The following SHISA7 variants were observed in gnomAD, a reference collection of about 807,000 sequenced individuals.
SHISA7 encodes protein shisa-7.
A neutral mutation model predicts 23.9 loss-of-function variants in SHISA7; 6 were observed. The ratio of observed to expected loss-of-function variants is 0.25; its 90% CI spans 0.14 to 0.50. SHISA7 has a LOEUF of 0.50. Among genes scored for constraint, SHISA7 ranks in the 20% least tolerant of loss-of-function variants. SHISA7 has a pLI of 0.98. For missense variants in SHISA7, 671 were observed against 801.1 expected (o/e 0.84, Z 1.96); for synonymous variants, 386 against 398.3 (o/e 0.97, Z 0.37).
At chr19:55,439,360 G>A (rs1004491132) in intron 2 of SHISA7, among the ~76,000 whole-genome samples, 3 of 152,086 alleles carry the variant, frequency 2.0e-5, no homozygotes, top group African/African-American at 4.8e-5. Context: ...TCCCAGCTCC[G>A]TCCTTGTCCT....
chr19:55,434,551 TATG>T (rs1239111040), intron 3 of SHISA7, among the ~76,000 whole-genome samples: 73 of 125,438 alleles, frequency 5.8e-4, no homozygotes, highest in African/African-American at 2.1e-3. Flanking sequence ...GTTGTGTGTG[TATG>T]GTGTGTGTGG....
Position 55,433,900 on chromosome 19 carries a change from AC to A in SHISA7, c.977-105del. The A allele has an allele frequency of 8.0e-7, 1 of 1,251,788 alleles. No individual in the cohort carries two copies. Among genetic ancestry groups the A allele is most frequent in the Non-Finnish European group, 1.0e-6 (1 of 977,028 alleles). 77.5% of individuals were successfully genotyped at this position (1,251,788 alleles called of 1,614,324 possible). A position where few individuals can be genotyped will look rare whatever the true frequency, so the allele number is the denominator to read the frequency against. The stretch of plus-strand genomic sequence containing the variant: ...CCGCTCCTATGCTCCTTGTGCCCCC[AC>A]AAGGATCCTGGGCATCAGGCTAGCT... On this transcript the variant is annotated intron_variant, in intron 3 of 3. Coordinates refer to ENST00000376325, the MANE Select transcript of SHISA7 (RefSeq NM_001145176.2). This position sits in a 1 kb window ranked among gnomAD's most constrained non-coding sequence, Gnocchi z 8.4.
intron 3 of SHISA7, among the ~76,000 whole-genome samples, chr19:55,434,659 GGTGTGTGTGTA>G (rs1985344284): frequency 8.1e-6 from 1 of 123,962 alleles, no homozygotes; most frequent in Non-Finnish European, 1.7e-5. Flanking sequence ...TGGTGTGTGT[GGTGTGTGTGTA>G]TGGTGTGTGG....
intron 2 of SHISA7, chr19:55,438,629 G>A (rs1985524731): frequency 2.3e-6 from 3 of 1,304,122 alleles, no homozygotes; most frequent in Non-Finnish European, 2.0e-6. Context: ...CAGATTATCT[G>A]GGGGGACCGA....
intron 1 of SHISA7, among the ~76,000 whole-genome samples, chr19:55,441,484 C>G (rs1383459569): frequency 6.6e-6 from 1 of 152,232 alleles, no homozygotes; most frequent in Non-Finnish European, 1.5e-5. Flanking sequence ...TGCAGGCCAC[C>G]GAGGGCCTTT....
intron 1 of SHISA7, 75 bp downstream of exon 1, chr19:55,442,118 C>A: frequency 7.2e-7 from 1 of 1,389,906 alleles, no homozygotes; most frequent in Non-Finnish European, 9.5e-7. Flanking sequence ...GCAGCCCCTC[C>A]TCCTCGGATG....
rs1001327624 is a variant in SHISA7 at position 55,442,885 on chromosome 19, T to C, written c.-22A>G. 15 of 1,283,804 alleles carry C rather than the reference T, an allele frequency of 1.2e-5. No individual in the cohort carries two copies. The African/African-American group carries it at 2.1e-4, about 18-fold the overall frequency. The allele number at this position is 1,283,804 out of a possible 1,614,324, so 79.5% of individuals were successfully genotyped here. A position where few individuals can be genotyped will look rare whatever the true frequency, so the allele number is the denominator to read the frequency against. ...GCATGGGGCTTGCAGGGGGTCGCAC[T>C]GGGCCGCCAGGCTGCGGGGAGAACG... On this transcript the variant is annotated 5_prime_UTR_variant, in exon 1 of 4. Coordinates refer to ENST00000376325, the MANE Select transcript of SHISA7 (RefSeq NM_001145176.2).
chr19:55,437,870 C>A, intron 2 of SHISA7, 116 bp from the exon 3 acceptor site: 1 of 1,311,372 alleles, frequency 7.6e-7, no homozygotes, highest in Non-Finnish European at 1.0e-6. Flanking sequence ...GCCCCTCTTC[C>A]TTCAGACCCA....
chr19:55,441,032 C>T (rs1032244912), intron 1 of SHISA7, among the ~76,000 whole-genome samples: 1 of 152,132 alleles, frequency 6.6e-6, no homozygotes, highest in African/African-American at 2.4e-5. Flanking sequence ...TGTGGGCTCG[C>T]CCCACCCTGA....
chr19:55,433,804 G>A lies in SHISA7; in HGVS notation c.977-8C>T, dbSNP rs986425379. 1.9e-5 allele frequency: 27 copies of A among 1,390,988 alleles called. No individual in the cohort carries two copies. In the Admixed American group the frequency reaches 2.2e-4, roughly 12 times the overall value. 86.2% of individuals were successfully genotyped at this position (1,390,988 alleles called of 1,614,324 possible). A position where few individuals can be genotyped will look rare whatever the true frequency, so the allele number is the denominator to read the frequency against. On this transcript the variant is annotated splice_polypyrimidine_tract_variant and splice_region_variant and intron_variant, in intron 3 of 3. Coordinates refer to ENST00000376325, the MANE Select transcript of SHISA7 (RefSeq NM_001145176.2). The surrounding 1 kb of genome is among the most constrained non-coding windows in gnomAD (Gnocchi z 8.4). Reference sequence around the variant, plus strand: ...CGTCCAGATCCTTCTCGGCTGCGGGGAGAGGGGGAAAAGCCACAGCCGTGG... The same window carrying A: ...CGTCCAGATCCTTCTCGGCTGCGGGAAGAGGGGGAAAAGCCACAGCCGTGG...
rs1311440510 is a variant in SHISA7, at chr19:55,431,195, T to C, written c.*1961A>G. 6.6e-6 allele frequency: 1 copy of C among 152,174 alleles called. No homozygotes were observed. Among genetic ancestry groups the C allele is most frequent in the Non-Finnish European group, 1.5e-5 (1 of 68,046 alleles). 9.4% of individuals were successfully genotyped at this position (152,174 alleles called of 1,614,324 possible). A position where few individuals can be genotyped will look rare whatever the true frequency, so the allele number is the denominator to read the frequency against. ...CATGGTTGAAGTGGATCCCTGGAGATGATGACACCATGCATCCCTGCAAAT... is the reference window on the plus strand; with the variant it reads ...CATGGTTGAAGTGGATCCCTGGAGACGATGACACCATGCATCCCTGCAAAT... On this transcript the variant is annotated 3_prime_UTR_variant, in exon 4 of 4. Transcript: ENST00000376325.
At position 55,442,179 on chromosome 19, in the gene SHISA7, G is replaced by C; in HGVS notation, c.671+14C>G. 2 of 1,529,018 alleles carry C rather than the reference G, an allele frequency of 1.3e-6. No homozygotes were observed. The highest frequency in any genetic ancestry group is 1.7e-4 in the Middle Eastern group (1 of 5,926). 94.7% of individuals were successfully genotyped at this position (1,529,018 alleles called of 1,614,324 possible). A position where few individuals can be genotyped will look rare whatever the true frequency, so the allele number is the denominator to read the frequency against. Reference sequence around the variant, plus strand: ...CCCCAGGCTCGCAGTCCTCCCGCCCGAGAGCACACGCACCTGGGCACGTTG... The same window carrying C: ...CCCCAGGCTCGCAGTCCTCCCGCCCCAGAGCACACGCACCTGGGCACGTTG... On this transcript the variant is annotated intron_variant, in intron 1 of 3. Coordinates refer to ENST00000376325, the MANE Select transcript of SHISA7 (RefSeq NM_001145176.2).
intron 3 of SHISA7, among the ~76,000 whole-genome samples, chr19:55,437,180 G>A (rs933021746): frequency 5.3e-5 from 8 of 152,132 alleles, no homozygotes; most frequent in African/African-American, 1.9e-4. Context: ...CTGCAGGGTG[G>A]TCGTTGCCAC....
intron 1 of SHISA7, 41 bp downstream of exon 1, chr19:55,442,152 C>G (rs1032228177): frequency 3.4e-6 from 5 of 1,488,760 alleles, no homozygotes; most frequent in Non-Finnish European, 3.6e-6. Flanking sequence ...TGCTGGGCCC[C>G]GCCCCAGGCT....
intron 3 of SHISA7, among the ~76,000 whole-genome samples, chr19:55,435,366 T>TGTGTATGTG (rs1985428383): frequency 5.1e-5 from 5 of 98,586 alleles, no homozygotes; most frequent in South Asian, 7.2e-4. Context: ...GTGTGTGTGG[T>TGTGTATGTG]GTGTGTGTGG....
chr19:55,434,896 G>C (rs1476014643), intron 3 of SHISA7, among the ~76,000 whole-genome samples: 1 of 118,120 alleles, frequency 8.5e-6, no homozygotes, highest in Non-Finnish European at 1.8e-5. Context: ...TATGTGGTGT[G>C]TGTGGTGTGT....
intron 1 of SHISA7, 134 bp from the exon 2 acceptor site, chr19:55,440,899 G>A: frequency 1.2e-6 from 1 of 858,892 alleles, no homozygotes; most frequent in Non-Finnish European, 1.5e-6. Flanking sequence ...CATTGGCCAC[G>A]CCCCTTTCTC....
At chr19:55,440,898 C>T (rs1985585941) in intron 1 of SHISA7, 133 bp from the exon 2 acceptor site, 6 of 866,158 alleles carry the variant, frequency 6.9e-6, no homozygotes, top group Middle Eastern at 3.8e-4. Flanking sequence ...CCATTGGCCA[C>T]GCCCCTTTCT....
intron 3 of SHISA7, among the ~76,000 whole-genome samples, chr19:55,435,353 G>GGT (rs1481839924): frequency 8.2e-6 from 1 of 121,722 alleles, no homozygotes; most frequent in Non-Finnish European, 1.7e-5. Context: ...TGGTGTGTAT[G>GGT]GTGTGTGTGT....
Sources: allele counts gnomAD v4.1 joint callset (sites outside exome capture counted in the v4.1 genomes callset), GRCh38; gene constraint gnomAD v4.1.1; non-coding constraint Gnocchi (gnomAD v3.1); transcripts MANE v1.5; gene names NCBI Gene and HGNC (gene_info 2026-07-23, HGNC 2026-07-21).